UBAP1L: variants seen among roughly 807,000 people sequenced by gnomAD.
UBAP1L encodes ubiquitin associated protein 1 like.
In UBAP1L, 32 loss-of-function variants were observed where a neutral mutation model predicts 32.1. The observed-to-expected ratio is 1.00, with a 90% confidence interval of 0.75 to 1.34. The LOEUF is 1.34. Ranked by LOEUF, UBAP1L falls within the 40% of genes most tolerant of loss-of-function variation. The pLI is 0.00. For missense variants in UBAP1L, 516 were observed against 540.5 expected (o/e 0.95, Z 0.45); for synonymous variants, 243 against 250.2 (o/e 0.97, Z 0.27).
chr15:65,102,761 AC>A lies in UBAP1L; in HGVS notation c.121-78del. The A allele has an allele frequency of 7.4e-7, 1 of 1,353,552 alleles. No homozygotes were observed. The highest frequency in any genetic ancestry group is 1.0e-6 in the Non-Finnish European group (1 of 1,002,794). 83.8% of individuals were successfully genotyped at this position (1,353,552 alleles called of 1,614,324 possible). A position where few individuals can be genotyped will look rare whatever the true frequency, so the allele number is the denominator to read the frequency against. On this transcript the variant is annotated intron_variant, in intron 2 of 5. Transcript: ENST00000559089. This position sits in a 1 kb window ranked among gnomAD's most constrained non-coding sequence, Gnocchi z 5.0. ...ACAACACTAACCCCTGGCCTGGGGG[AC>A]CCTGTTCAGCCAGAGACTCTCTAAG...
chr15:65,109,143 C>T (rs141855974), intron 1 of UBAP1L, among the ~76,000 whole-genome samples: 306 of 130,180 alleles, frequency 2.4e-3, no homozygotes, highest in African/African-American at 8.7e-3. Context: ...GGTGACAGAG[C>T]GAGACTCTGT....
chr15:65,109,728 T>C (rs2087355741), intron 1 of UBAP1L, among the ~76,000 whole-genome samples: 2 of 152,304 alleles, frequency 1.3e-5, no homozygotes, highest in African/African-American at 4.8e-5. Flanking sequence ...TTAACTTCAT[T>C]AGTCATCAGG....
chr15:65,106,750 C>G (rs1246668820), intron 1 of UBAP1L, among the ~76,000 whole-genome samples: 1 of 151,796 alleles, frequency 6.6e-6, no homozygotes, highest in Non-Finnish European at 1.5e-5. Context: ...AAGTGATTCT[C>G]CTACCTCAGC....
chr15:65,094,794 A>G lies in UBAP1L; in HGVS notation c.910-218T>C, dbSNP rs1005064434. 3.5e-6 allele frequency: 2 copies of G among 576,586 alleles called. No homozygotes were observed. The highest frequency in any genetic ancestry group is 2.9e-5 in the East Asian group (1 of 34,050). 35.7% of individuals were successfully genotyped at this position (576,586 alleles called of 1,614,324 possible). A position where few individuals can be genotyped will look rare whatever the true frequency, so the allele number is the denominator to read the frequency against. On this transcript the variant is annotated intron_variant, in intron 4 of 5. Coordinates refer to ENST00000559089, the MANE Select transcript of UBAP1L (RefSeq NM_001163692.2). This position sits in a 1 kb window ranked among gnomAD's most constrained non-coding sequence, Gnocchi z 4.2. ...GGCAGACAATGGGTCTTCACCAACT[A>G]TGCCAAGCTGGGGGCTGGACTCCAG...
At chr15:65,095,784 G>T (rs909154354) in intron 4 of UBAP1L, 3 of 152,256 alleles carry the variant, frequency 2.0e-5, no homozygotes, top group Non-Finnish European at 4.4e-5. Flanking sequence ...CTCCTGAAGT[G>T]TTTGTCTTAG....
At position 65,099,681 on chromosome 15, in the gene UBAP1L, C is replaced by T; in HGVS notation, c.733G>A (p.Gly245Arg). 3.2e-6 allele frequency: 5 copies of T among 1,551,094 alleles called. No individual in the cohort carries two copies. The highest frequency in any genetic ancestry group is 2.0e-5 in the Admixed American group (1 of 50,984). ...GGGTTGAGAGGTTGGGGTGCCCCCC[C>T]AAGAGGTGGCAGACAGGTGTACGGG... The part of the protein sequence containing the change: ...LSPYTCLPPL[G>R]GAPQPLNPHK... Residue 245 changes from glycine (G) to arginine (R), a missense_variant, in exon 4 of 6, where the codon GGG becomes AGG. By Grantham distance (125) the Gly-to-Arg change is moderately radical (BLOSUM62 -2). Transcript: ENST00000559089.
intron 1 of UBAP1L, among the ~76,000 whole-genome samples, chr15:65,107,157 T>A (rs893849221): frequency 2.6e-5 from 4 of 151,840 alleles, no homozygotes; most frequent in African/African-American, 4.8e-5. Context: ...AATTATATAA[T>A]TATATAGCTT....
At chr15:65,105,025 A>AAG in intron 2 of UBAP1L, 1 of 239,012 alleles carries the variant, frequency 4.2e-6, no homozygotes, top group Admixed American at 5.4e-5. Context: ...AAAAAAAAAA[A>AAG]AAAGAAAATT....
chr15:65,104,336 GAAGAA>G (rs1217842471), intron 2 of UBAP1L, among the ~76,000 whole-genome samples: 50 of 149,150 alleles, frequency 3.4e-4, no homozygotes, highest in East Asian at 1.8e-3. Context: ...GAAGAGAAGA[GAAGAA>G]AAGAAAAGAA....
rs1423670974 is a variant in UBAP1L, at chr15:65,099,587, A to C, written c.827T>G (p.Ile276Ser). ...ATATCCCAGGGCGACCACTGGCCCA[A>C]TGAGGTCTTGCTCCTCCTGGCTCAG... ...SALSQEEQDLIGPVVALGYPL... is the reference protein window; with the variant it reads ...SALSQEEQDLSGPVVALGYPL... The change falls in exon 4 of 6, where the codon ATT (isoleucine) becomes AGT (serine). Residue 276 changes from isoleucine to serine, a missense_variant. Transcript: ENST00000559089. The C allele has an allele frequency of 6.9e-5, 107 of 1,551,520 alleles. No homozygotes were observed. The highest frequency in any genetic ancestry group is 6.1e-6 in the Non-Finnish European group (7 of 1,146,984).
chr15:65,107,510 G>A (rs2087328318), intron 1 of UBAP1L, among the ~76,000 whole-genome samples: 2 of 151,952 alleles, frequency 1.3e-5, no homozygotes, highest in African/African-American at 4.8e-5. Context: ...AGTCGAGGTG[G>A]GAGGATTATC....
At chr15:65,114,437 T>TA (rs1318183695) in intron 1 of UBAP1L, among the ~76,000 whole-genome samples, 1 of 152,158 alleles carries the variant, frequency 6.6e-6, no homozygotes, top group African/African-American at 2.4e-5. Context: ...CTGTATTCTG[T>TA]ATGAGGTTAG....
intron 4 of UBAP1L, chr15:65,095,693 G>A (rs2087165183): frequency 1.3e-5 from 2 of 152,270 alleles, no homozygotes; most frequent in Admixed American, 1.3e-4. Flanking sequence ...GTGGAGAAGG[G>A]AGAGTGGGGT....
At position 65,094,912 on chromosome 15, in the gene UBAP1L, C is replaced by G. The variant is rs1042223688; in HGVS notation, c.910-336G>C. ...CACAGACATCCCACCTACCACCCAA[C>G]GCAATTCAACATTCATGCACCACCC... On this transcript the variant is annotated intron_variant, in intron 4 of 5. Transcript: ENST00000559089. The surrounding 1 kb of genome is among the most constrained non-coding windows in gnomAD (Gnocchi z 4.2). 1 of 362,328 alleles carries G rather than the reference C, an allele frequency of 2.8e-6. No individual in the cohort carries two copies. Among genetic ancestry groups the G allele is most frequent in the Non-Finnish European group, 5.3e-6 (1 of 189,870 alleles). The allele number at this position is 362,328 out of a possible 1,614,324, so 22.4% of individuals were successfully genotyped here. A position where few individuals can be genotyped will look rare whatever the true frequency, so the allele number is the denominator to read the frequency against.
At chr15:65,106,043 A>G (rs2087306154) in intron 2 of UBAP1L, 53 bp downstream of exon 2, 4 of 1,544,524 alleles carry the variant, frequency 2.6e-6, no homozygotes, top group Non-Finnish European at 3.5e-6. Context: ...GGCCCCATGG[A>G]CTCAGCCCCA....
chr15:65,109,450 T>G (rs1037784329), intron 1 of UBAP1L, among the ~76,000 whole-genome samples: 77 of 113,976 alleles, frequency 6.8e-4, no homozygotes, highest in African/African-American at 2.5e-3. Flanking sequence ...GCCACTGCAC[T>G]CCAGCCTGGG....
intron 3 of UBAP1L, among the ~76,000 whole-genome samples, chr15:65,101,881 C>A (rs977888247): frequency 6.6e-6 from 1 of 152,150 alleles, no homozygotes; most frequent in Non-Finnish European, 1.5e-5. Context: ...GCAAGGCAGG[C>A]ACAGTGGGAA....
rs1255128384 is a variant in UBAP1L at position 65,102,664 on chromosome 15, C to T, written c.141G>A (p.Arg47=). ...CGGCCTCCACCCAGAAGAGTGCCGT[C>T]CTCTCCAGGCTGAAGTCGTGCTGCG... ...LGSMHDFSLE[R]TALFWVEAAG... Residue 47 remains arginine (R), a synonymous_variant, in exon 3 of 6, where the codon AGG becomes AGA. Coordinates refer to ENST00000559089, the MANE Select transcript of UBAP1L (RefSeq NM_001163692.2). The surrounding 1 kb of genome is among the most constrained non-coding windows in gnomAD (Gnocchi z 5.0). The T allele has an allele frequency of 6.5e-7, 1 of 1,548,228 alleles. No individual in the cohort carries two copies. Among genetic ancestry groups the T allele is most frequent in the South Asian group, 1.2e-5 (1 of 84,054 alleles).
Position 65,092,968 on chromosome 15 carries a change from T to G in UBAP1L, c.*129A>C. 8.1e-7 allele frequency: 1 copy of G among 1,229,220 alleles called. No individual in the cohort carries two copies. The highest frequency in any genetic ancestry group is 1.1e-6 in the Non-Finnish European group (1 of 912,906). 76.1% of individuals were successfully genotyped at this position (1,229,220 alleles called of 1,614,324 possible). A position where few individuals can be genotyped will look rare whatever the true frequency, so the allele number is the denominator to read the frequency against. On this transcript the variant is annotated 3_prime_UTR_variant, in exon 6 of 6. Transcript: ENST00000559089. The stretch of plus-strand genomic sequence containing the variant: ...CTGCTGTTAACTGTCACCCTTGGTA[T>G]TATTTGTGTTTTTACAATAAGTATG...
Sources: gnomAD v4.1 joint callset for allele counts (sites outside exome capture counted in the v4.1 genomes callset) on GRCh38, gnomAD v4.1.1 for gene constraint, Gnocchi (gnomAD v3.1) non-coding constraint, MANE v1.5 for transcripts, NCBI Gene and HGNC (gene_info 2026-07-23, HGNC 2026-07-21) for gene names.